Variants in GNAL observed in about 807,000 individuals in gnomAD.
GNAL encodes the protein guanine nucleotide-binding protein G(olf) subunit alpha.
Under a neutral mutation model 55.1 loss-of-function variants are expected in GNAL, and 18 were observed. The ratio of observed to expected loss-of-function variants is 0.33; its 90% CI spans 0.23 to 0.48. The LOEUF (loss-of-function observed/expected upper bound fraction) is 0.48, where lower values mean the gene tolerates loss of function less well. Among genes scored for constraint, GNAL ranks in the 20% least tolerant of loss-of-function variants. The probability of loss-of-function intolerance (pLI) is 0.99; values close to 1 mark genes in which losing one functional copy is unlikely to be tolerated. For missense variants in GNAL, 412 were observed against 614.1 expected (o/e 0.67, Z 3.48); for synonymous variants, 253 against 237.0 (o/e 1.07, Z -0.62).
chr18:11,713,175 G>A (rs548736176), intron 1 of GNAL, among the ~76,000 whole-genome samples: 1 of 152,340 alleles, frequency 6.6e-6, no homozygotes, highest in South Asian at 2.1e-4. Context: ...CCACCCAAAT[G>A]AGAACAAGCA....
At chr18:11,706,521 T>C (rs1165417069) in intron 1 of GNAL, among the ~76,000 whole-genome samples, 1 of 152,108 alleles carries the variant, frequency 6.6e-6, no homozygotes, top group Non-Finnish European at 1.5e-5. Context: ...CGGTTAACTC[T>C]TTCTTTCATG....
At chr18:11,714,684 G>C (rs139145136) in intron 1 of GNAL, among the ~76,000 whole-genome samples, 1 of 152,166 alleles carries the variant, frequency 6.6e-6, no homozygotes, top group Non-Finnish European at 1.5e-5. Flanking sequence ...ATTTCCTTGT[G>C]AGCAGTTAGT....
At chr18:11,809,195 T>C (rs904509854) in intron 4 of GNAL, among the ~76,000 whole-genome samples, 1 of 151,984 alleles carries the variant, frequency 6.6e-6, no homozygotes, top group Admixed American at 6.6e-5. Flanking sequence ...GAAGCGGAAG[T>C]TGCAGTGAGC....
At position 11,852,182 on chromosome 18, in the gene GNAL, A is replaced by G. The variant is rs1448252825; in HGVS notation, c.723-10213A>G. 6.9e-6 allele frequency: 10 copies of G among 1,454,362 alleles called. No individual in the cohort carries two copies. In the Admixed American group the frequency reaches 1.1e-4, roughly 15 times the overall value. 90.1% of individuals were successfully genotyped at this position (1,454,362 alleles called of 1,614,324 possible). ...AATGCTCTCTGTGTGTTAGAGAGAT[A>G]CTATACCCTAGAAACTCTGAACACG... On this transcript the variant is annotated intron_variant, in intron 5 of 11. Coordinates refer to ENST00000334049, the MANE Select transcript of GNAL (RefSeq NM_182978.4).
intron 4 of GNAL, among the ~76,000 whole-genome samples, chr18:11,784,177 T>TTGG (rs1291706975): frequency 2.6e-5 from 4 of 152,246 alleles, no homozygotes. Context: ...GTACTTGTCT[T>TTGG]TGGTCTCCCA....
At chr18:11,880,606 T>G (rs1199717254) in intron 11 of GNAL, among the ~76,000 whole-genome samples, 1 of 152,058 alleles carries the variant, frequency 6.6e-6, no homozygotes, top group Non-Finnish European at 1.5e-5. Context: ...CAAAATAAAA[T>G]TAGCTAATTA....
At chr18:11,746,058 T>C in intron 1 of GNAL, 2 of 403,876 alleles carry the variant, frequency 5.0e-6, no homozygotes, top group Non-Finnish European at 9.8e-6. Context: ...TTTGGTTGTG[T>C]CTTCAGAAGC....
chr18:11,803,653 T>A (rs12958122), intron 4 of GNAL, among the ~76,000 whole-genome samples: 26 of 97,652 alleles, frequency 2.7e-4, no homozygotes, highest in South Asian at 1.9e-3. Context: ...TACTGTGTAG[T>A]GGTGAAGTAC....
intron 4 of GNAL, among the ~76,000 whole-genome samples, chr18:11,816,096 T>C (rs1246646677): frequency 6.6e-6 from 1 of 152,118 alleles, no homozygotes; most frequent in Non-Finnish European, 1.5e-5. Flanking sequence ...TCACTTACCA[T>C]AAAACCCTGC....
chr18:11,877,566 C>T (rs1471773436), intron 11 of GNAL, among the ~76,000 whole-genome samples: 1 of 152,338 alleles, frequency 6.6e-6, no homozygotes, highest in Non-Finnish European at 1.5e-5. Flanking sequence ...TAACCTACAG[C>T]GTATAGCTAG....
At chr18:11,861,402 C>T (rs1337960769) in intron 5 of GNAL, among the ~76,000 whole-genome samples, 3 of 152,270 alleles carry the variant, frequency 2.0e-5, no homozygotes, top group East Asian at 3.9e-4. Flanking sequence ...GTCCCAGCCG[C>T]GGAAGGAGAA....
chr18:11,870,223 G>C (rs1336179886), intron 9 of GNAL, among the ~76,000 whole-genome samples: 1 of 152,008 alleles, frequency 6.6e-6, no homozygotes, highest in Non-Finnish European at 1.5e-5. Flanking sequence ...TAAATTTTAG[G>C]AAGTACCAGT....
intron 1 of GNAL, among the ~76,000 whole-genome samples, chr18:11,703,795 G>GTGCACACACACACACACACA (rs1555641028): frequency 7.1e-6 from 1 of 141,410 alleles, no homozygotes; most frequent in African/African-American, 2.6e-5. Context: ...GTGTTGATGG[G>GTGCACACACACACACACACA]CACACACACA....
chr18:11,826,114 G>T (rs1427896858), intron 5 of GNAL, among the ~76,000 whole-genome samples: 3 of 152,142 alleles, frequency 2.0e-5, no homozygotes, highest in Non-Finnish European at 4.4e-5. Context: ...GGAGGGAGTG[G>T]TTGTGTTGGC....
intron 5 of GNAL, among the ~76,000 whole-genome samples, chr18:11,838,312 C>T (rs2035540696): frequency 6.6e-6 from 1 of 152,130 alleles, no homozygotes; most frequent in African/African-American, 2.4e-5. Flanking sequence ...CAAAAGACCA[C>T]ATATGGTATC....
rs576590197 is a variant in GNAL at position 11,732,248 on chromosome 18, C to T, written c.377-20605C>T. The stretch of plus-strand genomic sequence containing the variant: ...TGTATGTTCAACTTTTTAAGAAAAA[C>T]GTAAACAGTTTTCCAATGTGGCTGC... On this transcript the variant is annotated intron_variant, in intron 1 of 11. Coordinates refer to ENST00000334049, the MANE Select transcript of GNAL (RefSeq NM_182978.4). 5.9e-5 allele frequency among the ~76,000 whole-genome samples: 9 copies of T among 152,294 alleles called. No homozygotes were observed. The South Asian group carries it at 6.2e-4, about 11-fold the overall frequency.
chr18:11,885,220 C>A lies in GNAL; in HGVS notation c.*4085C>A, dbSNP rs1443754483. ...CAGCATCATGAGCTGGATGCAGGAG[C>A]CCATGGCTGAAAGGAGTTAAAACGC... On this transcript the variant is annotated 3_prime_UTR_variant, in exon 12 of 12. Transcript: ENST00000334049. The A allele has an allele frequency of 3.1e-5, 11 of 352,370 alleles. No homozygotes were observed. The highest frequency in any genetic ancestry group is 4.8e-5 in the Non-Finnish European group (10 of 208,602). The allele number at this position is 352,370 out of a possible 1,614,324, so 21.8% of individuals were successfully genotyped here.
At chr18:11,759,602 C>T (rs1304121810) in intron 4 of GNAL, among the ~76,000 whole-genome samples, 1 of 152,250 alleles carries the variant, frequency 6.6e-6, no homozygotes, top group Non-Finnish European at 1.5e-5. Context: ...CAAAGGAGGC[C>T]ACAGTGGCCT....
chr18:11,866,294 G>A (rs902220682), intron 7 of GNAL, among the ~76,000 whole-genome samples: 6 of 150,192 alleles, frequency 4.0e-5, no homozygotes, highest in Middle Eastern at 3.2e-3. Context: ...TAAAGCGTAC[G>A]GATTAAATTC....
Sources: allele counts gnomAD v4.1 joint callset (sites outside exome capture counted in the v4.1 genomes callset), GRCh38; gene constraint gnomAD v4.1.1; transcripts MANE v1.5; gene names NCBI Gene and HGNC (gene_info 2026-07-23, HGNC 2026-07-21).